The following XPO1 variants were observed in gnomAD, a reference collection of about 807,000 sequenced individuals.
The protein encoded by XPO1 is exportin-1.
In XPO1, 5 loss-of-function variants were observed where a neutral mutation model predicts 133.3. The ratio of observed to expected loss-of-function variants is 0.04; its 90% confidence interval spans 0.02 to 0.08. The LOEUF (loss-of-function observed/expected upper bound fraction) is 0.08, where lower values mean the gene tolerates loss of function less well. Among genes scored for constraint, XPO1 ranks in the 10% least tolerant of loss-of-function variants. The pLI, the probability that XPO1 is intolerant of heterozygous loss-of-function variation, is 1.00. For synonymous variants in XPO1, 419 were observed against 408.2 expected (o/e 1.03, Z -0.32); for missense variants, 506 against 1,267.5 (o/e 0.40, Z 9.12).
At chr2:61,522,371 A>G (rs1698736409) in intron 4 of XPO1, among the ~76,000 whole-genome samples, 1 of 152,196 alleles carries the variant, frequency 6.6e-6, no homozygotes, top group South Asian at 2.1e-4. Context: ...ATTTTTAACT[A>G]GAATATTTAT....
At position 61,497,253 on chromosome 2, in the gene XPO1, C is replaced by A. The variant is rs2104475352; in HGVS notation, c.760-246G>T. Reference sequence around the variant, plus strand: ...TTTTTTTGAGACAGAGTCTCGCTCGCCCAGGCTGAAATGCAGGGGCTTGAT... The same window carrying A: ...TTTTTTTGAGACAGAGTCTCGCTCGACCAGGCTGAAATGCAGGGGCTTGAT... On this transcript the variant is annotated intron_variant, in intron 9 of 24. Coordinates refer to ENST00000401558, the MANE Select transcript of XPO1 (RefSeq NM_003400.4). Among the ~76,000 whole-genome samples the A allele has an allele frequency of 1.3e-5, 2 of 152,208 alleles. 1 individual carries two copies. The highest frequency in any genetic ancestry group is 1.3e-4 in the Admixed American group (2 of 15,268).
chr2:61,514,155 C>G (rs977404932), intron 4 of XPO1, among the ~76,000 whole-genome samples: 3 of 151,444 alleles, frequency 2.0e-5, no homozygotes, highest in African/African-American at 7.3e-5. Flanking sequence ...CCACCACACT[C>G]CAGCTGGGGC....
At chr2:61,525,550 T>A in intron 3 of XPO1, 1 of 1,013,488 alleles carries the variant, frequency 9.9e-7, no homozygotes. Context: ...AATTTGAGTT[T>A]TTAAAAATAC....
chr2:61,489,696 C>T (rs965423794), intron 17 of XPO1, among the ~76,000 whole-genome samples: 2 of 150,324 alleles, frequency 1.3e-5, no homozygotes, highest in Admixed American at 1.3e-4. Context: ...CTGGGACTTA[C>T]AGGCGCCCGC....
intron 10 of XPO1, among the ~76,000 whole-genome samples, chr2:61,495,908 A>T (rs903801680): frequency 6.6e-6 from 1 of 151,922 alleles, no homozygotes; most frequent in African/African-American, 2.4e-5. Flanking sequence ...GGCTCAAGCA[A>T]TCCTCCCACC....
intron 4 of XPO1, among the ~76,000 whole-genome samples, chr2:61,503,852 C>A (rs1382941824): frequency 1.3e-5 from 2 of 152,222 alleles, no homozygotes; most frequent in South Asian, 4.1e-4. Flanking sequence ...TAGGCATGAG[C>A]CACCAGGCCT....
At chr2:61,495,394 C>A in intron 11 of XPO1, 61 bp downstream of exon 11, 1 of 1,397,006 alleles carries the variant, frequency 7.2e-7, no homozygotes, top group Non-Finnish European at 9.5e-7. Context: ...GAAAAAGGCA[C>A]TTTTAAGAGT....
chr2:61,526,388 A>AATAAC (rs762526032), intron 3 of XPO1, 32 bp downstream of exon 3: 6 of 1,594,156 alleles, frequency 3.8e-6, no homozygotes, highest in East Asian at 4.5e-5. Flanking sequence ...GAAGAAAAGA[A>AATAAC]ATAACAGATT....
intron 18 of XPO1, 33 bp downstream of exon 18, chr2:61,488,555 T>C: frequency 3.8e-6 from 6 of 1,599,036 alleles, no homozygotes; most frequent in Non-Finnish European, 4.3e-6. Context: ...GGTTTGTTTA[T>C]ACTGCATTGT....
At position 61,525,464 on chromosome 2, in the gene XPO1, A is replaced by G. The variant is rs903247461; in HGVS notation, c.228+956T>C. On this transcript the variant is annotated intron_variant, in intron 3 of 24. Transcript: ENST00000401558. The stretch of plus-strand genomic sequence containing the variant: ...ATAAATTTAGCACCAAATCATTTGT[A>G]ATTTATGTAAATTGAAGAATTCTTT... The G allele has an allele frequency of 3.0e-6, 3 of 1,006,312 alleles. No homozygotes were observed. In the African/African-American group the frequency reaches 5.2e-5, roughly 17 times the overall value. The allele number at this position is 1,006,312 out of a possible 1,614,324, so 62.3% of individuals were successfully genotyped here.
At chr2:61,512,615 C>T (rs1489262638) in intron 4 of XPO1, among the ~76,000 whole-genome samples, 2 of 152,184 alleles carry the variant, frequency 1.3e-5, no homozygotes, top group Non-Finnish European at 2.9e-5. Flanking sequence ...GATGTTCATT[C>T]TCTCCAAATG....
intron 4 of XPO1, among the ~76,000 whole-genome samples, chr2:61,518,926 C>A (rs1251772621): frequency 6.6e-6 from 1 of 152,090 alleles, no homozygotes; most frequent in Non-Finnish European, 1.5e-5. Flanking sequence ...ATTAAATGTT[C>A]TTTTAAACAT....
At chr2:61,532,200 T>C (rs1016916566) in intron 2 of XPO1, among the ~76,000 whole-genome samples, 2 of 152,160 alleles carry the variant, frequency 1.3e-5, no homozygotes, top group African/African-American at 4.8e-5. Context: ...CAACCTCGGC[T>C]CACTGCAAGC....
In XPO1 at chr2:61,492,840, GTACA is replaced by G; in HGVS notation, c.1384+71_1384+74del. The G allele has an allele frequency of 6.4e-7, 1 of 1,550,516 alleles. No homozygotes were observed. The highest frequency in any genetic ancestry group is 8.7e-7 in the Non-Finnish European group (1 of 1,144,196). The stretch of plus-strand genomic sequence containing the variant: ...TTTAGAAAATATTTAGAAACTACAA[GTACA>G]TTTCCTAAAATGTATTTCCACCCCA... On this transcript the variant is annotated intron_variant, in intron 13 of 24. Coordinates refer to ENST00000401558, the MANE Select transcript of XPO1 (RefSeq NM_003400.4). This position sits in a 1 kb window ranked among gnomAD's most constrained non-coding sequence, Gnocchi z 5.6.
intron 1 of XPO1, chr2:61,534,348 G>C (rs1699276392): frequency 6.6e-6 from 1 of 152,466 alleles, no homozygotes. Context: ...CTCAGTAAAA[G>C]CTCACTTCAC....
chr2:61,534,016 TTA>T (rs1278486722), intron 1 of XPO1, 113 bp from the exon 2 acceptor site: 1 of 1,072,980 alleles, frequency 9.3e-7, no homozygotes, highest in Non-Finnish European at 1.2e-6. Context: ...AATGAATACT[TTA>T]GAGACTTTAA....
At position 61,493,060 on chromosome 2, in the gene XPO1, T is replaced by C. The variant is rs200367052; in HGVS notation, c.1246-7A>G. On this transcript the variant is annotated splice_polypyrimidine_tract_variant and splice_region_variant and intron_variant, in intron 12 of 24. Coordinates refer to ENST00000401558, the MANE Select transcript of XPO1 (RefSeq NM_003400.4). ...TAACCATTAATAAACGGACCTATAC[T>C]CAACAATATATCAATCAAGAAAAAA... 3.2e-6 allele frequency: 5 copies of C among 1,572,496 alleles called. No homozygotes were observed. The highest frequency in any genetic ancestry group is 4.3e-6 in the Non-Finnish European group (5 of 1,168,440).
At chr2:61,532,533 CA>C (rs954653459) in intron 2 of XPO1, among the ~76,000 whole-genome samples, 3 of 151,894 alleles carry the variant, frequency 2.0e-5, no homozygotes, top group Admixed American at 6.6e-5. Context: ...GTTCTGGCAA[CA>C]AAACTACCAT....
At chr2:61,520,944 G>A (rs1470182506) in intron 4 of XPO1, among the ~76,000 whole-genome samples, 3 of 152,108 alleles carry the variant, frequency 2.0e-5, no homozygotes, top group African/African-American at 7.2e-5. Context: ...AAAGAAACAA[G>A]GAATGACTAC....
Sources: allele counts gnomAD v4.1 joint callset (sites outside exome capture counted in the v4.1 genomes callset), GRCh38; gene constraint gnomAD v4.1.1; non-coding constraint Gnocchi (gnomAD v3.1); transcripts MANE v1.5; gene names NCBI Gene and HGNC (gene_info 2026-07-23, HGNC 2026-07-21).